The following PARD3B variants were observed in gnomAD, a reference collection of about 807,000 sequenced individuals.
PARD3B encodes the protein par-3 family cell polarity regulator beta, also known as partitioning defective 3 homolog B.
Under a neutral mutation model 130.2 loss-of-function variants are expected in PARD3B, and 103 were observed. The observed-to-expected ratio is 0.79, with a 90% confidence interval of 0.67 to 0.93. PARD3B has a LOEUF of 0.93. Ranked by LOEUF, PARD3B falls within the 40% of genes least tolerant of loss-of-function variation. The probability of loss-of-function intolerance (pLI) is 0.00; values close to 1 mark genes in which losing one functional copy is unlikely to be tolerated. For missense variants in PARD3B, 1,609 were observed against 1,499.2 expected, an observed-to-expected ratio of 1.07 and a Z score of -1.21; for synonymous variants, 583 against 553.2, an observed-to-expected ratio of 1.05 and a Z score of -0.76.
rs115863390 is a variant in PARD3B at position 205,341,448 on chromosome 2, A to T, written c.2630+39747A>T. On this transcript the variant is annotated intron_variant, in intron 18 of 22. Coordinates refer to ENST00000406610, the MANE Select transcript of PARD3B (RefSeq NM_001302769.2). This position sits in a 1 kb window ranked among gnomAD's most constrained non-coding sequence, Gnocchi z 4.3. ...AATTCTGTCATTTGCAGCAACATGG[A>T]TGAGCCTGGAGGACATTATGTTAAA... Among the ~76,000 whole-genome samples the T allele has an allele frequency of 4.8e-4, 73 of 152,274 alleles. 1 individual carries two copies. Among genetic ancestry groups the T allele is most frequent in the African/African-American group, 1.7e-3 (71 of 41,574 alleles).
At chr2:205,445,541 G>T (rs779178251) in intron 20 of PARD3B, among the ~76,000 whole-genome samples, 2 of 152,044 alleles carry the variant, frequency 1.3e-5, no homozygotes, top group Admixed American at 6.6e-5. Context: ...ACTTCTAAAC[G>T]GCCGGATCTC....
At chr2:204,667,640 C>CT (rs1436975262) in intron 1 of PARD3B, among the ~76,000 whole-genome samples, 23 of 152,180 alleles carry the variant, frequency 1.5e-4, no homozygotes. Flanking sequence ...CTCTTCTAGT[C>CT]TAATTTTTTG....
At chr2:205,400,129 G>C (rs769954731) in intron 18 of PARD3B, among the ~76,000 whole-genome samples, 6 of 152,136 alleles carry the variant, frequency 3.9e-5, no homozygotes, top group Admixed American at 6.5e-5. Context: ...AGCCTGCTTA[G>C]GAGATTGATA....
At chr2:205,522,439 C>T (rs1398927501) in intron 21 of PARD3B, among the ~76,000 whole-genome samples, 2 of 151,836 alleles carry the variant, frequency 1.3e-5, no homozygotes, top group Admixed American at 1.3e-4. Flanking sequence ...AGCGACGTCT[C>T]CCATTTTTGC....
chr2:205,308,398 A>G (rs1239475724), intron 18 of PARD3B, among the ~76,000 whole-genome samples: 1 of 152,084 alleles, frequency 6.6e-6, no homozygotes, highest in Non-Finnish European at 1.5e-5. Context: ...CGAGGTCAGG[A>G]GATTGAGACC....
chr2:205,322,644 G>A (rs1331194280), intron 18 of PARD3B, among the ~76,000 whole-genome samples: 1 of 152,064 alleles, frequency 6.6e-6, no homozygotes, highest in Non-Finnish European at 1.5e-5. Context: ...TTGATTCTGG[G>A]TGAAACAAAC....
intron 20 of PARD3B, among the ~76,000 whole-genome samples, chr2:205,442,862 C>A (rs1429349394): frequency 6.6e-6 from 1 of 152,126 alleles, no homozygotes; most frequent in Non-Finnish European, 1.5e-5. Flanking sequence ...ATTGACTGCC[C>A]AGTCCAGACA....
intron 4 of PARD3B, among the ~76,000 whole-genome samples, chr2:205,051,375 C>A (rs1254532055): frequency 6.6e-6 from 1 of 152,118 alleles, no homozygotes; most frequent in Non-Finnish European, 1.5e-5. Context: ...GAAGAAAAAA[C>A]AATCAAAATT....
rs920480101 is a variant in PARD3B at position 204,678,155 on chromosome 2, C to T, written c.121-8026C>T. Among the ~76,000 whole-genome samples, 25 of 152,294 alleles carry T rather than the reference C, an allele frequency of 1.6e-4. No homozygotes were observed. The highest frequency in any genetic ancestry group is 5.8e-4 in the African/African-American group (24 of 41,556). ...GAGGGGTGGCTCCTTTGCAGCCGAG[C>T]TCAAACCGCTTGTGGGAGGGGGAGC... On this transcript the variant is annotated intron_variant, in intron 1 of 22. Transcript: ENST00000406610. The surrounding 1 kb of genome is among the most constrained non-coding windows in gnomAD (Gnocchi z 4.2).
In PARD3B at chr2:205,029,444, T is replaced by A. The variant is rs748526864; in HGVS notation, c.395-18137T>A. On this transcript the variant is annotated intron_variant, in intron 3 of 22. Coordinates refer to ENST00000406610, the MANE Select transcript of PARD3B (RefSeq NM_001302769.2). The stretch of plus-strand genomic sequence containing the variant: ...TTGGAGTTCTTTGGAGGGAGTCCAT[T>A]TTCTCATTCATCTAAGTTTTCCCTA... 7.0e-4 allele frequency among the ~76,000 whole-genome samples: 107 copies of A among 152,210 alleles called. 3 individuals are homozygous for A. The highest frequency in any genetic ancestry group is 1.0e-4 in the Non-Finnish European group (7 of 68,030).
At chr2:205,414,562 T>C (rs766584582) in intron 19 of PARD3B, among the ~76,000 whole-genome samples, 10 of 152,138 alleles carry the variant, frequency 6.6e-5, no homozygotes, top group Non-Finnish European at 1.2e-4. Context: ...TATAATAGTA[T>C]GTACCAGTTT....
At chr2:205,531,587 C>CCTTGGTAAATTCCAGT in intron 21 of PARD3B, among the ~76,000 whole-genome samples, 1 of 152,190 alleles carries the variant, frequency 6.6e-6, no homozygotes, top group East Asian at 1.9e-4. Context: ...AGCTAATCAG[C>CCTTGGTAAATTCCAGT]CTTGGTAAAT....
At chr2:205,180,146 A>G (rs1246710487) in intron 13 of PARD3B, among the ~76,000 whole-genome samples, 1 of 151,404 alleles carries the variant, frequency 6.6e-6, no homozygotes, top group Non-Finnish European at 1.5e-5. Context: ...TATTTTTTCA[A>G]AAGTAGAGAA....
At chr2:204,927,515 T>G (rs1559267320) in intron 2 of PARD3B, among the ~76,000 whole-genome samples, 1 of 152,290 alleles carries the variant, frequency 6.6e-6, no homozygotes, top group Non-Finnish European at 1.5e-5. Context: ...TGGTTTATGG[T>G]ACTTTGTTAT....
At chr2:205,155,854 A>G (rs1283289190) in intron 10 of PARD3B, among the ~76,000 whole-genome samples, 1 of 152,138 alleles carries the variant, frequency 6.6e-6, no homozygotes, top group Admixed American at 6.5e-5. Context: ...TCCTTTGAGA[A>G]GTGTCTGTTC....
At chr2:205,064,129 A>G (rs562351186) in intron 4 of PARD3B, among the ~76,000 whole-genome samples, 1 of 152,326 alleles carries the variant, frequency 6.6e-6, no homozygotes, top group South Asian at 2.1e-4. Context: ...GCTAATAACA[A>G]TTTAAGAACT....
At chr2:204,827,151 A>G (rs540134543) in intron 2 of PARD3B, among the ~76,000 whole-genome samples, 2 of 152,324 alleles carry the variant, frequency 1.3e-5, no homozygotes, top group Non-Finnish European at 1.5e-5. Context: ...TGTGACTGTC[A>G]TTATTTGTGT....
chr2:204,748,637 G>C (rs567058099), intron 2 of PARD3B, among the ~76,000 whole-genome samples: 1 of 152,162 alleles, frequency 6.6e-6, no homozygotes, highest in South Asian at 2.1e-4. Flanking sequence ...ACAGATTGCT[G>C]GTCCTCAACT....
chr2:205,439,140 A>G (rs966802219), intron 19 of PARD3B, among the ~76,000 whole-genome samples: 1 of 152,168 alleles, frequency 6.6e-6, no homozygotes, highest in African/African-American at 2.4e-5. Flanking sequence ...TCCATGTGCA[A>G]AACAGCTGTT....
Sources: allele counts gnomAD v4.1 joint callset (sites outside exome capture counted in the v4.1 genomes callset), GRCh38; gene constraint gnomAD v4.1.1; non-coding constraint Gnocchi (gnomAD v3.1); transcripts MANE v1.5; gene names NCBI Gene and HGNC (gene_info 2026-07-23, HGNC 2026-07-21).